Variants in SNAP29 observed in about 807,000 individuals in gnomAD.
SNAP29 encodes the protein synaptosomal-associated protein 29.
In SNAP29, 13 loss-of-function variants were observed where a neutral mutation model predicts 27.9. The observed-to-expected ratio is 0.47, with a 90% CI of 0.30 to 0.74. SNAP29 has a LOEUF of 0.74. Ranked by LOEUF, SNAP29 falls within the 30% of genes least tolerant of loss-of-function variation. The probability of loss-of-function intolerance (pLI) is 0.06; values close to 1 mark genes in which losing one functional copy is unlikely to be tolerated. For synonymous variants in SNAP29, 119 were observed against 127.1 expected, an observed-to-expected ratio of 0.94 and a Z score of 0.43; for missense variants, 368 against 336.5, an observed-to-expected ratio of 1.09 and a Z score of -0.73.
At chr22:20,863,481 C>A (rs1353136192) in intron 1 of SNAP29, among the ~76,000 whole-genome samples, 2 of 152,234 alleles carry the variant, frequency 1.3e-5, no homozygotes, top group Non-Finnish European at 2.9e-5. Context: ...CCTTCTCCTA[C>A]TGTGAAACCT....
intron 2 of SNAP29, among the ~76,000 whole-genome samples, chr22:20,874,672 G>A (rs746583297): frequency 6.6e-6 from 1 of 151,824 alleles, no homozygotes; most frequent in Non-Finnish European, 1.5e-5. Flanking sequence ...CACTAGCTAA[G>A]GTTATGAGGG....
chr22:20,867,140 CTTG>C (rs1048776697), intron 1 of SNAP29, among the ~76,000 whole-genome samples: 1 of 152,172 alleles, frequency 6.6e-6, no homozygotes, highest in African/African-American at 2.4e-5. Flanking sequence ...AGAGAGAACT[CTTG>C]TTGGGGTTCA....
At chr22:20,883,445 C>T in intron 3 of SNAP29, 26 bp from the exon 4 acceptor site, 1 of 1,412,466 alleles carries the variant, frequency 7.1e-7, no homozygotes, top group Non-Finnish European at 1.0e-6. Flanking sequence ...ATTAACCGCT[C>T]TCCTGGTGTT....
At chr22:20,871,434 T>C (rs1928588579) in intron 2 of SNAP29, among the ~76,000 whole-genome samples, 1 of 139,460 alleles carries the variant, frequency 7.2e-6, no homozygotes, top group South Asian at 2.2e-4. Flanking sequence ...AGTTAAGCTA[T>C]GATGGTGCCA....
At chr22:20,872,410 T>C (rs1419146967) in intron 2 of SNAP29, among the ~76,000 whole-genome samples, 1 of 39,586 alleles carries the variant, frequency 2.5e-5, no homozygotes, top group Non-Finnish European at 5.0e-5. Context: ...TGGCTAATTC[T>C]TTTTTTTTGA....
intron 2 of SNAP29, among the ~76,000 whole-genome samples, chr22:20,874,361 A>C (rs1433916219): frequency 1.9e-3 from 69 of 35,536 alleles, no homozygotes; most frequent in Middle Eastern, 0.012. Context: ...ACACACACAC[A>C]CACACACACA....
intron 2 of SNAP29, among the ~76,000 whole-genome samples, chr22:20,871,750 C>T (rs1037326186): frequency 2.1e-4 from 32 of 152,002 alleles, no homozygotes; most frequent in East Asian, 7.7e-4. Flanking sequence ...GGCGTGATGG[C>T]GGGCGCCCGT....
chr22:20,859,706 A>G (rs1162693650), intron 1 of SNAP29: 12 of 316,258 alleles, frequency 3.8e-5, no homozygotes, highest in Admixed American at 9.7e-5. Context: ...CTTCGACATT[A>G]TTTCCTGTGC....
intron 1 of SNAP29, among the ~76,000 whole-genome samples, chr22:20,867,487 A>T (rs949889045): frequency 6.6e-6 from 1 of 151,830 alleles, no homozygotes; most frequent in African/African-American, 2.4e-5. Context: ...CTTCTTCCTC[A>T]TTGGTTGGAA....
chr22:20,877,858 C>T (rs1199094246), intron 2 of SNAP29, among the ~76,000 whole-genome samples: 1 of 152,198 alleles, frequency 6.6e-6, no homozygotes. Flanking sequence ...GATGTGCAGG[C>T]TGAAAGGTGG....
chr22:20,877,188 T>C (rs890984277), intron 2 of SNAP29, among the ~76,000 whole-genome samples: 6 of 151,946 alleles, frequency 3.9e-5, no homozygotes, highest in African/African-American at 1.5e-4. Context: ...CTTTGGAGGT[T>C]GAGGTGGGCG....
chr22:20,878,271 G>A (rs978417881), intron 2 of SNAP29, among the ~76,000 whole-genome samples: 1 of 152,204 alleles, frequency 6.6e-6, no homozygotes, highest in African/African-American at 2.4e-5. Flanking sequence ...GCCGGGCACG[G>A]TGGCTCAAGC....
rs779871033 is a variant in SNAP29 at position 20,859,072 on chromosome 22, C to A, written c.-39C>A. 1.3e-6 allele frequency: 2 copies of A among 1,524,144 alleles called. No homozygotes were observed. Among genetic ancestry groups the A allele is most frequent in the East Asian group, 2.3e-5 (1 of 43,784 alleles). The allele number at this position is 1,524,144 out of a possible 1,614,324, so 94.4% of individuals were successfully genotyped here. A position where few individuals can be genotyped will look rare whatever the true frequency, so the allele number is the denominator to read the frequency against. On this transcript the variant is annotated 5_prime_UTR_variant, in exon 1 of 5. Transcript: ENST00000215730. Reference sequence around the variant, plus strand: ...CCTGGACGGCGGCGGCAGTGGGGCTCCTCCTTCTGTTTCCCAGACCGAGAG... The same window carrying A: ...CCTGGACGGCGGCGGCAGTGGGGCTACTCCTTCTGTTTCCCAGACCGAGAG...
intron 4 of SNAP29, among the ~76,000 whole-genome samples, chr22:20,884,244 A>ATCACTTG (rs1928960296): frequency 6.6e-6 from 1 of 152,002 alleles, no homozygotes; most frequent in African/African-American, 2.4e-5. Flanking sequence ...AGGCAGGAGA[A>ATCACTTG]TCACTTGAAC....
chr22:20,870,817 A>T, intron 2 of SNAP29: 1 of 475,040 alleles, frequency 2.1e-6, no homozygotes, highest in South Asian at 2.2e-5. Flanking sequence ...TACAAATGTG[A>T]CTCACTTCAC....
Position 20,887,842 on chromosome 22 carries a change from G to A in SNAP29, c.*6G>A, listed in dbSNP as rs370326257. ...GAAAAGTTCGACAACTCTGAAGACAGACGGATTTCCACTCTATTGTGATGA... is the reference window on the plus strand; with the variant it reads ...GAAAAGTTCGACAACTCTGAAGACAAACGGATTTCCACTCTATTGTGATGA... On this transcript the variant is annotated 3_prime_UTR_variant, in exon 5 of 5. Transcript: ENST00000215730. 75 of 1,613,428 alleles carry A rather than the reference G, an allele frequency of 4.6e-5. No individual in the cohort carries two copies. The African/African-American group carries it at 9.1e-4, about 19-fold the overall frequency.
intron 1 of SNAP29, among the ~76,000 whole-genome samples, chr22:20,867,145 TG>T (rs1928479638): frequency 6.6e-6 from 1 of 152,110 alleles, no homozygotes; most frequent in South Asian, 2.1e-4. Context: ...GAACTCTTGT[TG>T]GGGTTCAAGG....
At chr22:20,871,986 G>C (rs1387147395) in intron 2 of SNAP29, among the ~76,000 whole-genome samples, 1 of 152,184 alleles carries the variant, frequency 6.6e-6, no homozygotes, top group East Asian at 1.9e-4. Flanking sequence ...TTGTATTTCA[G>C]ATCACTGTGT....
At chr22:20,866,555 A>G (rs1167039498) in intron 1 of SNAP29, among the ~76,000 whole-genome samples, 1 of 151,958 alleles carries the variant, frequency 6.6e-6, no homozygotes, top group Non-Finnish European at 1.5e-5. Context: ...ACGGAAGCCC[A>G]CCTGATGTTA....
Sources: gnomAD v4.1 joint callset for allele counts (sites outside exome capture counted in the v4.1 genomes callset) on GRCh38, gnomAD v4.1.1 for gene constraint, MANE v1.5 for transcripts, NCBI Gene and HGNC (gene_info 2026-07-23, HGNC 2026-07-21) for gene names.